COL6A3: variants seen among roughly 807,000 people sequenced by gnomAD.
COL6A3 encodes the protein collagen alpha-3(VI) chain.
COL6A3 carries 137 observed loss-of-function variants against 274.1 expected under a neutral mutation model. The ratio of observed to expected loss-of-function variants is 0.50; its 90% CI spans 0.44 to 0.58. COL6A3 has a LOEUF of 0.58. Ranked by LOEUF, COL6A3 falls within the 20% of genes least tolerant of loss-of-function variation. The pLI is 0.00. For missense variants in COL6A3, 3,950 were observed against 4,124.9 expected (o/e 0.96, Z 1.16); for synonymous variants, 1,650 against 1,650.6 (o/e 1.00, Z 0.01).
Position 237,394,613 on chromosome 2 carries a change from T to A in COL6A3, c.683A>T (p.Asp228Val), listed in dbSNP as rs776819669. The change falls in exon 3 of 44, where the codon GAC becomes GTC. Residue 228 changes from aspartate to valine, a missense_variant. Transcript: ENST00000295550. ...TGTGATGTCTTTAAGGGTTTCCGTG[T>A]CCCCAGCCCTTTCTGGACTCACGGA... ...HSSVSPERAG[D>V]TETLKDITAQ... 1 of 1,614,130 alleles carries A rather than the reference T, an allele frequency of 6.2e-7. No homozygotes were observed. Among genetic ancestry groups the A allele is most frequent in the Non-Finnish European group, 8.5e-7 (1 of 1,180,034 alleles).
chr2:237,401,505 G>A (rs910158333), intron 1 of COL6A3, among the ~76,000 whole-genome samples: 8 of 151,876 alleles, frequency 5.3e-5, no homozygotes. Context: ...GATTTCCAAG[G>A]CTGCTTTATC....
chr2:237,347,735 G>T, intron 31 of COL6A3, 72 bp downstream of exon 31: 1 of 1,437,524 alleles, frequency 7.0e-7, no homozygotes, highest in Non-Finnish European at 9.6e-7. Context: ...AATTGTCAAA[G>T]CCTCAGCAGT....
intron 23 of COL6A3, 79 bp downstream of exon 23, chr2:237,357,259 C>T: frequency 8.2e-7 from 1 of 1,213,032 alleles, no homozygotes; most frequent in South Asian, 1.2e-5. Context: ...GTGGACTAAC[C>T]ATGCACCAGG....
chr2:237,359,981 T>G, intron 17 of COL6A3, 107 bp downstream of exon 17: 3 of 1,166,340 alleles, frequency 2.6e-6, no homozygotes, highest in South Asian at 2.6e-5. Context: ...TGCTGAATGC[T>G]GAGGTCAAGA....
rs757017380 is a variant in COL6A3 at position 237,378,982 on chromosome 2, C to A, written c.2151G>T (p.Leu717=). The A allele has an allele frequency of 6.2e-7, 1 of 1,614,062 alleles. No individual in the cohort carries two copies. Among genetic ancestry groups the A allele is most frequent in the Non-Finnish European group, 8.5e-7 (1 of 1,180,030 alleles). ...RQLQLQGGSG[L]NTGSALSYVY... is the part of the protein sequence containing the mutation. ...CATAGCTTAGGGCTGAGCCTGTGTTCAGGCCCGAACCTCCCTGGAGCTGCA... is the reference window on the plus strand; with the variant it reads ...CATAGCTTAGGGCTGAGCCTGTGTTAAGGCCCGAACCTCCCTGGAGCTGCA... Residue 717 remains leucine (L), a synonymous_variant, in exon 6 of 44, where the codon CTG becomes CTT. Transcript: ENST00000295550.
intron 2 of COL6A3, among the ~76,000 whole-genome samples, 187 bp from the exon 3 acceptor site, chr2:237,395,391 G>T (rs960243742): frequency 1.2e-4 from 18 of 152,316 alleles, no homozygotes; most frequent in Admixed American, 5.9e-4. Context: ...GCACTCAATA[G>T]CTGCTGGTGC....
rs73998890 is a variant in COL6A3 at position 237,360,949 on chromosome 2, A to G, written c.6210+172T>C. ...TCATGCCCACATTTGTCATACTTCA[A>G]TTATCGTACTTAGACATCCAGGCAA... On this transcript the variant is annotated intron_variant, in intron 16 of 43. Coordinates refer to ENST00000295550, the MANE Select transcript of COL6A3 (RefSeq NM_004369.4). Among the ~76,000 whole-genome samples the G allele has an allele frequency of 0.043, 6,478 of 152,280 alleles. 404 individuals are homozygous for G. Among genetic ancestry groups the G allele is most frequent in the African/African-American group, 0.14 (5,734 of 41,520 alleles).
At chr2:237,362,028 G>A (rs895939359) in intron 14 of COL6A3, among the ~76,000 whole-genome samples, 197 bp from the exon 15 acceptor site, 7 of 152,152 alleles carry the variant, frequency 4.6e-5, no homozygotes, top group East Asian at 3.9e-4. Flanking sequence ...AGCTCCTGGC[G>A]GTCGGGGTGC....
At chr2:237,370,447 C>T (rs1055693391) in intron 9 of COL6A3, among the ~76,000 whole-genome samples, 6 of 151,990 alleles carry the variant, frequency 3.9e-5, no homozygotes, top group Non-Finnish European at 5.9e-5. Context: ...CCATATTGAC[C>T]AGGCTGGTCT....
At chr2:237,333,596 G>C (rs1297287154) in intron 41 of COL6A3, 48 bp from the exon 42 acceptor site, 2 of 1,525,270 alleles carry the variant, frequency 1.3e-6, no homozygotes, top group Non-Finnish European at 1.8e-6. Flanking sequence ...AGAAACAGGA[G>C]GGCTTGGGAA....
chr2:237,360,227 A>T, intron 16 of COL6A3, 68 bp from the exon 17 acceptor site: 5 of 1,450,360 alleles, frequency 3.4e-6, no homozygotes, highest in Non-Finnish European at 4.8e-6. Flanking sequence ...CCGGGCTTGC[A>T]GCAGCGTAAA....
At chr2:237,411,466 A>G (rs2078854878) in intron 1 of COL6A3, among the ~76,000 whole-genome samples, 1 of 152,210 alleles carries the variant, frequency 6.6e-6, no homozygotes, top group African/African-American at 2.4e-5. Context: ...AGTCACTGCC[A>G]GCTTCCAAAG....
Position 237,361,927 on chromosome 2 carries a change from G to T in COL6A3, c.6064-96C>A. On this transcript the variant is annotated intron_variant, in intron 14 of 43. Coordinates refer to ENST00000295550, the MANE Select transcript of COL6A3 (RefSeq NM_004369.4). This position sits in a 1 kb window ranked among gnomAD's most constrained non-coding sequence, Gnocchi z 5.1. ...TAAGGGTCAAAATCGGATGTGTGGG[G>T]GTTTCACGGTGTGAGATGAAGTCCC... 9.4e-7 allele frequency: 1 copy of T among 1,065,720 alleles called. No homozygotes were observed. The highest frequency in any genetic ancestry group is 1.5e-6 in the Non-Finnish European group (1 of 688,878). 66.0% of individuals were successfully genotyped at this position (1,065,720 alleles called of 1,614,324 possible). A position where few individuals can be genotyped will look rare whatever the true frequency, so the allele number is the denominator to read the frequency against.
intron 3 of COL6A3, among the ~76,000 whole-genome samples, chr2:237,392,333 T>C (rs925395132): frequency 2.6e-5 from 4 of 152,244 alleles, no homozygotes; most frequent in Non-Finnish European, 5.9e-5. Flanking sequence ...ATCCTTGTTA[T>C]GAAAAACTGA....
rs1158168983 is a variant in COL6A3, at chr2:237,333,444, A to G, written c.9328+6T>C. 1.2e-6 allele frequency: 2 copies of G among 1,611,204 alleles called. No homozygotes were observed. Among genetic ancestry groups the G allele is most frequent in the Non-Finnish European group, 1.7e-6 (2 of 1,177,512 alleles). On this transcript the variant is annotated splice_donor_region_variant and intron_variant, in intron 42 of 43. Transcript: ENST00000295550. ...CATTAATGGACCTAATAGTTTCACA[A>G]CTCACCTGTTTCAGTGAGAGCCAAT...
At chr2:237,383,108 T>A (rs1466847717) in intron 4 of COL6A3, among the ~76,000 whole-genome samples, 1 of 152,146 alleles carries the variant, frequency 6.6e-6, no homozygotes, top group Non-Finnish European at 1.5e-5. Flanking sequence ...CTAGAACACA[T>A]TTTTGAAATG....
Position 237,377,195 on chromosome 2 carries a change from C to T in COL6A3, c.2647G>A (p.Asp883Asn), listed in dbSNP as rs748455268. Residue 883 changes from aspartate (D) to asparagine (N), a missense_variant, in exon 7 of 44, where the codon GAT becomes AAT. Physicochemically the swap from Asp to Asn is conservative, Grantham distance 23. Transcript: ENST00000295550. ...TCAAAACGGGACTCCACCTTGACATCATCGCTGTACTGAGCCACCGCAATT... is the reference window on the plus strand; with the variant it reads ...TCAAAACGGGACTCCACCTTGACATTATCGCTGTACTGAGCCACCGCAATT... ...TRIAVAQYSD[D>N]VKVESRFDEH... 6.2e-7 allele frequency: 1 copy of T among 1,614,004 alleles called. No homozygotes were observed. The highest frequency in any genetic ancestry group is 1.3e-5 in the African/African-American group (1 of 74,926).
In COL6A3 at chr2:237,324,504, T is replaced by C; in HGVS notation, c.*270A>G. 2.3e-6 allele frequency: 1 copy of C among 442,220 alleles called. No homozygotes were observed. Among genetic ancestry groups the C allele is most frequent in the East Asian group, 4.0e-5 (1 of 24,736 alleles). 27.4% of individuals were successfully genotyped at this position (442,220 alleles called of 1,614,324 possible). On this transcript the variant is annotated 3_prime_UTR_variant, in exon 44 of 44. Coordinates refer to ENST00000295550, the MANE Select transcript of COL6A3 (RefSeq NM_004369.4). Reference sequence around the variant, plus strand: ...CAGAGGGAATTTGGATTGATAGGAATGTTCACATAAACACCAGCAGTGGCT... The same window carrying C: ...CAGAGGGAATTTGGATTGATAGGAACGTTCACATAAACACCAGCAGTGGCT...
intron 42 of COL6A3, 123 bp downstream of exon 42, chr2:237,333,327 C>T (rs763061938): frequency 4.8e-6 from 4 of 834,880 alleles, no homozygotes; most frequent in African/African-American, 1.7e-5. Context: ...ACAGAGCTGA[C>T]GTGGACCTTT....
Sources: allele counts gnomAD v4.1 joint callset (sites outside exome capture counted in the v4.1 genomes callset), GRCh38; gene constraint gnomAD v4.1.1; non-coding constraint Gnocchi (gnomAD v3.1); transcripts MANE v1.5; gene names NCBI Gene and HGNC (gene_info 2026-07-23, HGNC 2026-07-21).